Variants in TBC1D2 observed in about 807,000 individuals in gnomAD.
The protein encoded by TBC1D2 is TBC1 domain family member 2A.
A neutral mutation model predicts 91.1 loss-of-function variants in TBC1D2; 58 were observed. The observed-to-expected ratio is 0.64, with a 90% CI of 0.52 to 0.79. The LOEUF (loss-of-function observed/expected upper bound fraction) is 0.79. Among genes scored for constraint, TBC1D2 ranks in the 30% least tolerant of loss-of-function variants. The pLI, the probability that TBC1D2 is intolerant of heterozygous loss-of-function variation, is 0.00. For synonymous variants in TBC1D2, 482 were observed against 511.5 expected (o/e 0.94, Z 0.78); for missense variants, 1,080 against 1,208.3 (o/e 0.89, Z 1.57).
At chr9:98,237,741 TG>T (rs1343407795) in intron 3 of TBC1D2, among the ~76,000 whole-genome samples, 4 of 151,888 alleles carry the variant, frequency 2.6e-5, no homozygotes, top group Non-Finnish European at 5.9e-5. Context: ...TTGGGTACTC[TG>T]GGGCTCTTGA....
Position 98,251,936 on chromosome 9 carries a change from A to G in TBC1D2, c.370-10T>C. On this transcript the variant is annotated splice_polypyrimidine_tract_variant and intron_variant, in intron 1 of 12. Coordinates refer to ENST00000465784, the MANE Select transcript of TBC1D2 (RefSeq NM_001267571.2). ...CTTGCTTGGTGGCGGCCTGAGAAGC[A>G]CAAGGATTAGTTGGCAAGGCCCTGT... 1 of 1,597,268 alleles carries G rather than the reference A, an allele frequency of 6.3e-7. No individual in the cohort carries two copies.
intron 5 of TBC1D2, among the ~76,000 whole-genome samples, chr9:98,226,595 A>T (rs1346135323): frequency 6.6e-6 from 1 of 152,216 alleles, no homozygotes; most frequent in Non-Finnish European, 1.5e-5. Context: ...TGGTTCTTTG[A>T]ATCACCCTGA....
At chr9:98,233,093 T>G (rs919903315) in intron 4 of TBC1D2, among the ~76,000 whole-genome samples, 1 of 152,170 alleles carries the variant, frequency 6.6e-6, no homozygotes, top group Non-Finnish European at 1.5e-5. Flanking sequence ...ACCCTTAGAA[T>G]AAGCAGCAGA....
intron 3 of TBC1D2, among the ~76,000 whole-genome samples, chr9:98,240,333 T>A (rs941376330): frequency 6.6e-6 from 1 of 152,182 alleles, no homozygotes; most frequent in Non-Finnish European, 1.5e-5. Context: ...CAATACCTGA[T>A]CTTTTGCTGT....
intron 3 of TBC1D2, 90 bp from the exon 4 acceptor site, chr9:98,233,639 C>T (rs1829429066): frequency 1.9e-6 from 3 of 1,551,324 alleles, no homozygotes; most frequent in African/African-American, 1.4e-5. Context: ...GAGCTCAGGT[C>T]TCATCCCCAC....
At position 98,255,497 on chromosome 9, in the gene TBC1D2, G is replaced by C; in HGVS notation, c.45C>G (p.Ala15=). The C allele has an allele frequency of 6.4e-7, 1 of 1,558,210 alleles. No homozygotes were observed. The highest frequency in any genetic ancestry group is 8.7e-7 in the Non-Finnish European group (1 of 1,150,216). The part of the protein sequence containing the change: ...GENAPESSSS[A]PGSEESARDP... Reference sequence around the variant, plus strand: ...CCCTGGCAGACTCTTCGGACCCAGGGGCAGAGGAGCTGGACTCCGGGGCGT... The same window carrying C: ...CCCTGGCAGACTCTTCGGACCCAGGCGCAGAGGAGCTGGACTCCGGGGCGT... Residue 15 remains alanine, a synonymous_variant, in exon 1 of 13, where the codon GCC becomes GCG. Coordinates refer to ENST00000465784, the MANE Select transcript of TBC1D2 (RefSeq NM_001267571.2).
intron 5 of TBC1D2, among the ~76,000 whole-genome samples, chr9:98,224,981 C>T (rs1221542919): frequency 1.3e-5 from 2 of 152,172 alleles, no homozygotes; most frequent in East Asian, 1.9e-4. Flanking sequence ...GCTGACATGG[C>T]CAAGGTACCT....
Position 98,244,079 on chromosome 9 carries a change from G to A in TBC1D2, c.562C>T (p.Pro188Ser), listed in dbSNP as rs373090046. ...EEFLCPVKTP[P>S]GLVGVAAALQ... ...GCAGCTGCCACGCCCACTAGCCCAG[G>A]GGGTGTTTTCACAGGGCACAGGAAC... Residue 188 changes from proline (P) to serine (S), a missense_variant, in exon 3 of 13, where the codon CCT becomes TCT. Coordinates refer to ENST00000465784, the MANE Select transcript of TBC1D2 (RefSeq NM_001267571.2). 67 of 1,613,174 alleles carry A rather than the reference G, an allele frequency of 4.2e-5. No homozygotes were observed. The highest frequency in any genetic ancestry group is 5.2e-5 in the Non-Finnish European group (61 of 1,179,716).
At chr9:98,221,299 T>G in intron 5 of TBC1D2, 71 bp from the exon 6 acceptor site, 1 of 1,453,216 alleles carries the variant, frequency 6.9e-7, no homozygotes, top group Non-Finnish European at 9.1e-7. Context: ...GGGTATATGT[T>G]ATCAGTAGTT....
intron 3 of TBC1D2, among the ~76,000 whole-genome samples, chr9:98,239,994 T>G (rs1422079440): frequency 6.6e-6 from 1 of 152,230 alleles, no homozygotes; most frequent in African/African-American, 2.4e-5. Context: ...TAATCCTTTT[T>G]GTTTCTGTAA....
In TBC1D2 at chr9:98,228,802, C is replaced by T. The variant is rs1027411193; in HGVS notation, c.978+150G>A. 9 of 717,706 alleles carry T rather than the reference C, an allele frequency of 1.3e-5. No homozygotes were observed. Among genetic ancestry groups the T allele is most frequent in the Non-Finnish European group, 2.1e-5 (9 of 436,022 alleles). The allele number at this position is 717,706 out of a possible 1,614,324, so 44.5% of individuals were successfully genotyped here. A position where few individuals can be genotyped will look rare whatever the true frequency, so the allele number is the denominator to read the frequency against. ...CATCAGGTTCTTGAGTAATCAACAG[C>T]ATATTTCAACATTCTGCAGTTTGGC... On this transcript the variant is annotated intron_variant, in intron 5 of 12. Coordinates refer to ENST00000465784, the MANE Select transcript of TBC1D2 (RefSeq NM_001267571.2). This position sits in a 1 kb window ranked among gnomAD's most constrained non-coding sequence, Gnocchi z 4.0.
chr9:98,247,770 T>C (rs138238705), intron 2 of TBC1D2, among the ~76,000 whole-genome samples: 2 of 150,362 alleles, frequency 1.3e-5, no homozygotes, highest in African/African-American at 4.9e-5. Flanking sequence ...CCCCATATTG[T>C]GGACTCACAT....
At chr9:98,200,397 G>C (rs1455710018) in intron 11 of TBC1D2, 23 bp from the exon 12 acceptor site, 1 of 1,578,262 alleles carries the variant, frequency 6.3e-7, no homozygotes, top group Non-Finnish European at 8.6e-7. Context: ...TGGGGGCTCA[G>C]GTAGGGCATG....
At chr9:98,239,364 T>C (rs1217213150) in intron 3 of TBC1D2, among the ~76,000 whole-genome samples, 1 of 152,212 alleles carries the variant, frequency 6.6e-6, no homozygotes, top group African/African-American at 2.4e-5. Flanking sequence ...TTTCCAGTCT[T>C]TGTGAGAGGT....
Position 98,220,971 on chromosome 9 carries a change from G to C in TBC1D2, c.1236C>G (p.His412Gln). 1 of 1,614,220 alleles carries C rather than the reference G, an allele frequency of 6.2e-7. No homozygotes were observed. Among genetic ancestry groups the C allele is most frequent in the Non-Finnish European group, 8.5e-7 (1 of 1,180,032 alleles). The stretch of plus-strand genomic sequence containing the variant: ...GCTTGCAGATGACCTGCTGCTTGGC[G>C]TGGTTCTTGTCCATAAGCAGCTGCA... ...QHVQLLMDKN[H>Q]AKQQVICKLS... The change falls in exon 6 of 13, where the codon CAC becomes CAG. Residue 412 changes from histidine to glutamine, a missense_variant. Physicochemically the swap from His to Gln is conservative, Grantham distance 24. Transcript: ENST00000465784.
rs1829423504 is a variant in TBC1D2 at position 98,233,483 on chromosome 9, T to C, written c.714A>G (p.Glu238=). 1 of 1,614,028 alleles carries C rather than the reference T, an allele frequency of 6.2e-7. No individual in the cohort carries two copies. Among genetic ancestry groups the C allele is most frequent in the South Asian group, 1.1e-5 (1 of 91,088 alleles). Residue 238 remains glutamate (E), a synonymous_variant, in exon 4 of 13, where the codon GAA becomes GAG. Transcript: ENST00000465784. Reference sequence around the variant, plus strand: ...GAGGCTCCCCACTCTGTGGAGAATCTTCCCCTGGAGGTTCATGGCCTGTTC... The same window carrying C: ...GAGGCTCCCCACTCTGTGGAGAATCCTCCCCTGGAGGTTCATGGCCTGTTC... ...AQGTGHEPPG[E]DSPQSGEPQR...
chr9:98,231,429 A>C (rs1404815745), intron 4 of TBC1D2, among the ~76,000 whole-genome samples: 1 of 152,094 alleles, frequency 6.6e-6, no homozygotes, highest in East Asian at 1.9e-4. Flanking sequence ...CCATTTAAAA[A>C]TCTGATTACA....
At chr9:98,241,611 T>C (rs1366173456) in intron 3 of TBC1D2, among the ~76,000 whole-genome samples, 1 of 152,224 alleles carries the variant, frequency 6.6e-6, no homozygotes, top group Non-Finnish European at 1.5e-5. Context: ...GCATTTTCTA[T>C]GTTCTGCTTC....
chr9:98,228,390 T>C lies in TBC1D2; in HGVS notation c.978+562A>G, dbSNP rs1269620282. On this transcript the variant is annotated intron_variant, in intron 5 of 12. Transcript: ENST00000465784. This position sits in a 1 kb window ranked among gnomAD's most constrained non-coding sequence, Gnocchi z 4.0. ...GTCTGTGTGTATGAGATCTGTTTTC[T>C]ACAATTATTATATAGCTCTTGTAAC... Among the ~76,000 whole-genome samples, 1 of 152,276 alleles carries C rather than the reference T, an allele frequency of 6.6e-6. No homozygotes were observed. Among genetic ancestry groups the C allele is most frequent in the Non-Finnish European group, 1.5e-5 (1 of 68,054 alleles).
Sources: allele counts gnomAD v4.1 joint callset (sites outside exome capture counted in the v4.1 genomes callset), GRCh38; gene constraint gnomAD v4.1.1; non-coding constraint Gnocchi (gnomAD v3.1); transcripts MANE v1.5; gene names NCBI Gene and HGNC (gene_info 2026-07-23, HGNC 2026-07-21).